Variants in ANKRD12 observed in about 807,000 individuals in gnomAD.
ANKRD12 encodes ankyrin repeat domain 12.
ANKRD12 carries 85 observed loss-of-function variants against 183.4 expected under a neutral mutation model. The observed-to-expected ratio is 0.46, with a 90% CI of 0.39 to 0.56. The LOEUF (loss-of-function observed/expected upper bound fraction) is 0.56. Ranked by LOEUF, ANKRD12 falls within the 20% of genes least tolerant of loss-of-function variation. ANKRD12 has a pLI of 0.00. For missense variants in ANKRD12, 2,405 were observed against 2,357.1 expected, an observed-to-expected ratio of 1.02 and a Z score of -0.42; for synonymous variants, 914 against 800.2, an observed-to-expected ratio of 1.14 and a Z score of -2.40.
intron 10 of ANKRD12, 50 bp from the exon 11 acceptor site, chr18:9,275,474 A>G (rs1289698709): frequency 4.5e-6 from 7 of 1,569,434 alleles, no homozygotes; most frequent in Middle Eastern, 2.1e-4. Flanking sequence ...CTGTTCTTAA[A>G]CAAAAATTTG....
At chr18:9,142,433 G>A (rs1041623455) in intron 1 of ANKRD12, among the ~76,000 whole-genome samples, 16 of 152,264 alleles carry the variant, frequency 1.1e-4, no homozygotes, top group Admixed American at 2.6e-4. Flanking sequence ...TTATGAAAGA[G>A]AAGCATTAGC....
chr18:9,193,109 T>C (rs1371178141), intron 2 of ANKRD12, among the ~76,000 whole-genome samples: 1 of 152,054 alleles, frequency 6.6e-6, no homozygotes, highest in African/African-American at 2.4e-5. Flanking sequence ...CTGTAAGTTT[T>C]TTAATAGTAT....
At position 9,284,119 on chromosome 18, in the gene ANKRD12, G is replaced by A. The variant is rs2040175491; in HGVS notation, c.*2993G>A. The A allele has an allele frequency of 6.6e-6, 1 of 152,152 alleles. No homozygotes were observed. Among genetic ancestry groups the A allele is most frequent in the South Asian group, 2.1e-4 (1 of 4,832 alleles). 9.4% of individuals were successfully genotyped at this position (152,152 alleles called of 1,614,324 possible). A position where few individuals can be genotyped will look rare whatever the true frequency, so the allele number is the denominator to read the frequency against. On this transcript the variant is annotated 3_prime_UTR_variant, in exon 13 of 13. Transcript: ENST00000262126. The stretch of plus-strand genomic sequence containing the variant: ...TTAAAAATATTTTATTGCTAAAAAT[G>A]GTAACAAAGTGAGCACATGCTGTTG...
In ANKRD12 at chr18:9,281,068, A is replaced by T; in HGVS notation, c.6131A>T (p.Gln2044Leu). ...AAATCTATCAGCATTTACGAAATCCAGGAGTTTTATGTTCCCCTTGTTGAT... is the reference window on the plus strand; with the variant it reads ...AAATCTATCAGCATTTACGAAATCCTGGAGTTTTATGTTCCCCTTGTTGAT... ...TYKSISIYEIQEFYVPLVDVN... is the reference protein window; with the variant it reads ...TYKSISIYEILEFYVPLVDVN... Residue 2044 changes from glutamine (Q) to leucine (L), a missense_variant, in exon 13 of 13, where the codon CAG (glutamine) becomes CTG (leucine). By Grantham distance (113) the Gln-to-Leu change is moderately radical. This residue lies in a region of ANKRD12 where 162 missense variants were observed against 272.2 expected (regional missense o/e 0.60). Transcript: ENST00000262126. The T allele has an allele frequency of 6.2e-7, 1 of 1,614,108 alleles. No individual in the cohort carries two copies. The highest frequency in any genetic ancestry group is 8.5e-7 in the Non-Finnish European group (1 of 1,179,996).
intron 1 of ANKRD12, among the ~76,000 whole-genome samples, chr18:9,150,071 G>T (rs1306532627): frequency 6.6e-6 from 1 of 152,118 alleles, no homozygotes; most frequent in African/African-American, 2.4e-5. Context: ...TGGGAATACA[G>T]GAGTGAACCA....
At chr18:9,156,256 GT>G (rs2030444134) in intron 1 of ANKRD12, among the ~76,000 whole-genome samples, 1 of 145,850 alleles carries the variant, frequency 6.9e-6, no homozygotes, top group South Asian at 2.2e-4. Flanking sequence ...TATTTTTTTT[GT>G]CCCAGATGCC....
chr18:9,175,230 A>G (rs2033152342), intron 1 of ANKRD12, among the ~76,000 whole-genome samples: 1 of 152,190 alleles, frequency 6.6e-6, no homozygotes, highest in Admixed American at 6.5e-5. Context: ...TAGTTGGAAT[A>G]CTTCTGTAGA....
chr18:9,285,125 C>T lies in ANKRD12; in HGVS notation c.*3999C>T, dbSNP rs138247295. On this transcript the variant is annotated 3_prime_UTR_variant, in exon 13 of 13. Coordinates refer to ENST00000262126, the MANE Select transcript of ANKRD12 (RefSeq NM_015208.5). Reference sequence around the variant, plus strand: ...TCGGGAGGCTGAGGCAGGAGAATGGCGTGAGCCTGGGAGGCGGAGCTTGCA... The same window carrying T: ...TCGGGAGGCTGAGGCAGGAGAATGGTGTGAGCCTGGGAGGCGGAGCTTGCA... 0.14 allele frequency: 20,635 copies of T among 151,204 alleles called. 2,110 individuals are homozygous for T. The highest frequency in any genetic ancestry group is 0.47 in the East Asian group (2,365 of 5,064). The allele number at this position is 151,204 out of a possible 1,614,324, so 9.4% of individuals were successfully genotyped here.
chr18:9,189,524 A>G (rs910069462), intron 2 of ANKRD12, among the ~76,000 whole-genome samples: 2 of 152,220 alleles, frequency 1.3e-5, no homozygotes, highest in African/African-American at 2.4e-5. Context: ...AAAGCTAGAG[A>G]GGAGAAGTCA....
intron 1 of ANKRD12, among the ~76,000 whole-genome samples, chr18:9,138,401 T>C (rs1043718542): frequency 2.0e-5 from 3 of 152,126 alleles, no homozygotes; most frequent in Non-Finnish European, 4.4e-5. Flanking sequence ...TAATCCCAGC[T>C]ACTTGGGAAG....
intron 6 of ANKRD12, among the ~76,000 whole-genome samples, chr18:9,214,080 A>T (rs1193545712): frequency 6.6e-6 from 1 of 152,052 alleles, no homozygotes; most frequent in East Asian, 1.9e-4. Flanking sequence ...TTCAGTAAAT[A>T]TATTTGAAAT....
chr18:9,203,050 T>C (rs1290095935), intron 3 of ANKRD12, among the ~76,000 whole-genome samples: 2 of 152,270 alleles, frequency 1.3e-5, no homozygotes, highest in African/African-American at 4.8e-5. Flanking sequence ...TAATGTTTGC[T>C]GGTTTGCTTT....
chr18:9,248,785 A>C (rs949463412), intron 8 of ANKRD12, among the ~76,000 whole-genome samples: 5 of 152,254 alleles, frequency 3.3e-5, no homozygotes, highest in Non-Finnish European at 7.3e-5. Context: ...TATGGATGGC[A>C]TGGGAAGCAA....
intron 1 of ANKRD12, among the ~76,000 whole-genome samples, chr18:9,175,761 C>T (rs2033214273): frequency 6.6e-6 from 1 of 151,950 alleles, no homozygotes; most frequent in Admixed American, 6.6e-5. Flanking sequence ...CTCCTGAGCT[C>T]AGGCAGTCTG....
chr18:9,214,329 CAT>C (rs1208388426), intron 6 of ANKRD12, among the ~76,000 whole-genome samples: 3 of 151,934 alleles, frequency 2.0e-5, no homozygotes, highest in Admixed American at 6.6e-5. Flanking sequence ...TGTAAACAAA[CAT>C]AAAGATGCAG....
chr18:9,181,696 A>G (rs951267846), intron 1 of ANKRD12, among the ~76,000 whole-genome samples: 3 of 152,210 alleles, frequency 2.0e-5, no homozygotes, highest in African/African-American at 7.2e-5. Flanking sequence ...GTTCCTCTTT[A>G]ACATGTAAAA....
chr18:9,195,642 G>A lies in ANKRD12; in HGVS notation c.179G>A (p.Arg60His), dbSNP rs776581917. The change falls in exon 3 of 13, where the codon CGT (arginine) becomes CAT (histidine). Residue 60 changes from arginine to histidine, a missense_variant. By Grantham distance (29) the Arg-to-His change is conservative. This residue lies in a region of ANKRD12 where 145 missense variants were observed against 145.6 expected (regional missense o/e 1.00). Coordinates refer to ENST00000262126, the MANE Select transcript of ANKRD12 (RefSeq NM_015208.5). ...KEMKEKSSMKRKLPFTISPSR... is the reference protein window; with the variant it reads ...KEMKEKSSMKHKLPFTISPSR... Reference sequence around the variant, plus strand: ...ATGAAAGAGAAATCATCCATGAAACGTAAACTTCCTTTTACTATTAGCCCA... The same window carrying A: ...ATGAAAGAGAAATCATCCATGAAACATAAACTTCCTTTTACTATTAGCCCA... 5.6e-6 allele frequency: 9 copies of A among 1,612,882 alleles called. No homozygotes were observed. The highest frequency in any genetic ancestry group is 2.2e-5 in the East Asian group (1 of 44,690).
chr18:9,208,662 G>A lies in ANKRD12; in HGVS notation c.310G>A (p.Glu104Lys). The A allele has an allele frequency of 6.2e-7, 1 of 1,600,736 alleles. No individual in the cohort carries two copies. Among genetic ancestry groups the A allele is most frequent in the East Asian group, 2.2e-5 (1 of 44,690 alleles). ...ISSYRTYSEK[E>K]GPEKKKTKKE... is the part of the protein sequence containing the mutation. ...ATATTTGTTAATAATTCCAGAGAAA[G>A]AAGGTCCAGAAAAGAAGAAGACAAA... The change falls in exon 5 of 13, where the codon GAA becomes AAA. Residue 104 changes from glutamate to lysine, a missense_variant. Around this residue, in one of 7 missense-constraint regions of ANKRD12, gnomAD observed 145 missense variants for 145.6 expected, o/e 1.00. Coordinates refer to ENST00000262126, the MANE Select transcript of ANKRD12 (RefSeq NM_015208.5).
chr18:9,240,217 T>C (rs150311749), intron 8 of ANKRD12, among the ~76,000 whole-genome samples: 1 of 152,346 alleles, frequency 6.6e-6, no homozygotes. Context: ...TTTATGATAT[T>C]GTTGCAGGAA....
Sources: gnomAD v4.1 joint callset for allele counts (sites outside exome capture counted in the v4.1 genomes callset) on GRCh38, gnomAD v4.1.1 for gene constraint, gnomAD v4.1.1 regional missense constraint, MANE v1.5 for transcripts, NCBI Gene and HGNC (gene_info 2026-07-23, HGNC 2026-07-21) for gene names.